ZMYM4: variants seen among roughly 807,000 people sequenced by gnomAD.
ZMYM4 encodes the protein zinc finger MYM-type containing 4, also known as zinc finger MYM-type protein 4.
Under a neutral mutation model 183.2 loss-of-function variants are expected in ZMYM4, and 31 were observed. That is an observed-to-expected ratio of 0.17 (90% CI 0.13 to 0.23). ZMYM4 has a LOEUF of 0.23. ZMYM4 is among the 10% of genes least tolerant of loss of function. The pLI is 1.00. For missense variants in ZMYM4, 1,273 were observed against 1,840.3 expected, an observed-to-expected ratio of 0.69 and a Z score of 5.64; for synonymous variants, 592 against 631.2, an observed-to-expected ratio of 0.94 and a Z score of 0.93.
intron 17 of ZMYM4, among the ~76,000 whole-genome samples, 154 bp from the exon 18 acceptor site, chr1:35,393,441 G>T (rs1229008195): frequency 6.6e-6 from 1 of 152,006 alleles, no homozygotes; most frequent in East Asian, 1.9e-4. Flanking sequence ...AATATTTTAG[G>T]AGTATTGTAT....
chr1:35,275,046 G>A (rs1639802906), intron 1 of ZMYM4, among the ~76,000 whole-genome samples: 1 of 152,176 alleles, frequency 6.6e-6, no homozygotes, highest in African/African-American at 2.4e-5. Flanking sequence ...TTCAAACAAA[G>A]TTGATGTAAG....
intron 1 of ZMYM4, among the ~76,000 whole-genome samples, chr1:35,277,484 G>A (rs531194942): frequency 1.2e-4 from 19 of 152,084 alleles, no homozygotes; most frequent in East Asian, 1.9e-4. Flanking sequence ...TTGTTGGATC[G>A]TTCTAGGAGG....
intron 2 of ZMYM4, 29 bp from the exon 3 acceptor site, chr1:35,358,895 AT>A (rs1479484245): frequency 1.3e-6 from 2 of 1,579,440 alleles, no homozygotes; most frequent in Non-Finnish European, 1.7e-6. Context: ...TAGCACTATC[AT>A]TTGTCTAAAC....
At chr1:35,304,822 A>G (rs1338530527) in intron 1 of ZMYM4, among the ~76,000 whole-genome samples, 1 of 145,542 alleles carries the variant, frequency 6.9e-6, no homozygotes, top group Non-Finnish European at 1.5e-5. Flanking sequence ...CATATAGTGT[A>G]TCTTGGTGCC....
Position 35,382,181 on chromosome 1 carries a change from TACACACACACAC to T in ZMYM4, c.1569+444_1569+455del, listed in dbSNP as rs59402643. Among the ~76,000 whole-genome samples, 23 of 133,540 alleles carry T rather than the reference TACACACACACAC, an allele frequency of 1.7e-4. 2 individuals are homozygous for T. The highest frequency in any genetic ancestry group is 4.3e-4 in the African/African-American group (16 of 36,924). The allele number at this position is 133,540 out of a possible 152,430, so 87.6% of individuals were successfully genotyped here. On this transcript the variant is annotated intron_variant, in intron 9 of 29. Coordinates refer to ENST00000314607, the MANE Select transcript of ZMYM4 (RefSeq NM_005095.3). ...AAACAAAAATGTATATATACACACATACACACACACACACACACACACACACACACACGTATA... is the reference window on the plus strand; with the variant it reads ...AAACAAAAATGTATATATACACACATACACACACACACACACACACGTATA...
intron 3 of ZMYM4, among the ~76,000 whole-genome samples, chr1:35,360,395 G>C (rs1643909893): frequency 6.6e-6 from 1 of 152,050 alleles, no homozygotes; most frequent in African/African-American, 2.4e-5. Context: ...GTGAAGGAAA[G>C]CAAGTATTCT....
chr1:35,377,398 G>A (rs1410478286), intron 7 of ZMYM4, among the ~76,000 whole-genome samples: 2 of 152,214 alleles, frequency 1.3e-5, no homozygotes, highest in African/African-American at 4.8e-5. Context: ...ATGGAGTTAT[G>A]TATTATAGTA....
intron 1 of ZMYM4, among the ~76,000 whole-genome samples, chr1:35,295,555 C>G (rs1640965632): frequency 6.6e-6 from 1 of 152,166 alleles, no homozygotes; most frequent in Non-Finnish European, 1.5e-5. Context: ...TTTCTATCTA[C>G]TAGATTTCAA....
chr1:35,391,345 G>T (rs1644701538), intron 15 of ZMYM4, among the ~76,000 whole-genome samples: 1 of 152,084 alleles, frequency 6.6e-6, no homozygotes, highest in Non-Finnish European at 1.5e-5. Flanking sequence ...CCCCACCTGG[G>T]CCCCTTCCTC....
At chr1:35,322,827 TTA>T (rs1391888052) in intron 1 of ZMYM4, among the ~76,000 whole-genome samples, 1 of 151,822 alleles carries the variant, frequency 6.6e-6, no homozygotes, top group African/African-American at 2.4e-5. Flanking sequence ...GTAGCTGGGA[TTA>T]CAGGTGTGTG....
Position 35,421,824 on chromosome 1 carries a change from CAAACAA to C in ZMYM4, c.*2153_*2158del, listed in dbSNP as rs1640334324. 6.6e-6 allele frequency: 1 copy of C among 152,036 alleles called. No homozygotes were observed. The highest frequency in any genetic ancestry group is 1.5e-5 in the Non-Finnish European group (1 of 67,982). 9.4% of individuals were successfully genotyped at this position (152,036 alleles called of 1,614,324 possible). On this transcript the variant is annotated 3_prime_UTR_variant, in exon 30 of 30. Coordinates refer to ENST00000314607, the MANE Select transcript of ZMYM4 (RefSeq NM_005095.3). ...TTTTTTCCAGGGGAGAAAAAAACAT[CAAACAA>C]AAACATCTAAATCATCCTTTTTGTT...
chr1:35,351,878 C>T (rs1643619577), intron 2 of ZMYM4, among the ~76,000 whole-genome samples: 1 of 152,138 alleles, frequency 6.6e-6, no homozygotes, highest in African/African-American at 2.4e-5. Context: ...GACTTTACCT[C>T]GAAGTATGAA....
At chr1:35,345,399 G>A (rs1171078622) in intron 2 of ZMYM4, among the ~76,000 whole-genome samples, 3 of 150,834 alleles carry the variant, frequency 2.0e-5, no homozygotes, top group Non-Finnish European at 4.4e-5. Context: ...GAAATCTGTA[G>A]TCCCTTATTT....
chr1:35,399,530 G>A lies in ZMYM4; in HGVS notation c.3482G>A (p.Arg1161Gln), dbSNP rs1323127745. The A allele has an allele frequency of 6.8e-6, 11 of 1,613,900 alleles. No homozygotes were observed. Among genetic ancestry groups the A allele is most frequent in the South Asian group, 2.2e-5 (2 of 91,070 alleles). Residue 1161 changes from arginine (R) to glutamine (Q), a missense_variant, in exon 23 of 30, where the codon CGA becomes CAA. Arg to Gln is a conservative substitution (Grantham distance 43). This residue lies in a region of ZMYM4 where 133 missense variants were observed against 155.7 expected (regional missense o/e 0.85). Transcript: ENST00000314607. ...GGACAGGGAATCCAGGCACGTTCCC[G>A]AACAAGACGACGACACAGAGATGGC... ...NKGQGIQARS[R>Q]TRRRHRDGFP...
At position 35,331,612 on chromosome 1, in the gene ZMYM4, C is replaced by G. The variant is rs184752958; in HGVS notation, c.85+6207C>G. On this transcript the variant is annotated intron_variant, in intron 2 of 29. Coordinates refer to ENST00000314607, the MANE Select transcript of ZMYM4 (RefSeq NM_005095.3). ...ACCATCCTAGCCAACATGGTGAAAC[C>G]CTGTTGCTACTAAAAATACAAAAAA... Among the ~76,000 whole-genome samples the G allele has an allele frequency of 3.9e-3, 597 of 151,834 alleles. 3 individuals are homozygous for G. Among genetic ancestry groups the G allele is most frequent in the Non-Finnish European group, 4.8e-3 (328 of 67,960 alleles).
chr1:35,339,919 A>G (rs553560923), intron 2 of ZMYM4, among the ~76,000 whole-genome samples: 18 of 151,998 alleles, frequency 1.2e-4, no homozygotes, highest in Non-Finnish European at 1.8e-4. Flanking sequence ...ATTTCCCCAC[A>G]TTCTCAGTTA....
At chr1:35,412,065 G>A (rs964649811) in intron 26 of ZMYM4, among the ~76,000 whole-genome samples, 90 of 144,474 alleles carry the variant, frequency 6.2e-4, no homozygotes, top group African/African-American at 2.0e-3. Context: ...TTTTTTTTTT[G>A]TATTTTTAGT....
At chr1:35,285,046 G>T (rs1640406800) in intron 1 of ZMYM4, among the ~76,000 whole-genome samples, 1 of 152,002 alleles carries the variant, frequency 6.6e-6, no homozygotes, top group East Asian at 1.9e-4. Context: ...CTATATGCCT[G>T]TTCTTGTGTC....
intron 1 of ZMYM4, among the ~76,000 whole-genome samples, chr1:35,278,247 C>T (rs777265068): frequency 4.4e-4 from 67 of 151,984 alleles, no homozygotes; most frequent in Non-Finnish European, 4.4e-5. Flanking sequence ...ATTACCTCTC[C>T]AAAGATCTAG....
Sources: allele counts gnomAD v4.1 joint callset (sites outside exome capture counted in the v4.1 genomes callset), GRCh38; gene constraint gnomAD v4.1.1; regional missense constraint gnomAD v4.1.1; transcripts MANE v1.5; gene names NCBI Gene and HGNC (gene_info 2026-07-23, HGNC 2026-07-21).